Variants in LMF1 observed in about 807,000 individuals in gnomAD.
LMF1 encodes lipase maturation factor 1.
A neutral mutation model predicts 60.6 loss-of-function variants in LMF1; 68 were observed. The ratio of observed to expected loss-of-function variants is 1.12; its 90% CI spans 0.92 to 1.37. LMF1 has a LOEUF of 1.37. LMF1 is among the 40% of genes most tolerant of loss of function. LMF1 has a pLI of 0.00. For missense variants in LMF1, 948 were observed against 767.2 expected (o/e 1.24, Z -2.78); for synonymous variants, 418 against 324.7 (o/e 1.29, Z -3.09).
At chr16:913,442 G>A (rs999038131) in intron 3 of LMF1, among the ~76,000 whole-genome samples, 8 of 152,276 alleles carry the variant, frequency 5.3e-5, no homozygotes, top group African/African-American at 1.9e-4. Context: ...CCGCTGGACA[G>A]GGTGCGACAC....
chr16:854,436 C>G lies in LMF1; in HGVS notation c.*96G>C. On this transcript the variant is annotated 3_prime_UTR_variant, in exon 11 of 11. Transcript: ENST00000262301. ...TCCCACCGCTCTCCTCTCCACGTCT[C>G]TCTTGGCGATGCCCAGCTTGGGCTG... 1 of 1,277,024 alleles carries G rather than the reference C, an allele frequency of 7.8e-7. No individual in the cohort carries two copies. The highest frequency in any genetic ancestry group is 1.1e-6 in the Non-Finnish European group (1 of 914,888). The allele number at this position is 1,277,024 out of a possible 1,614,324, so 79.1% of individuals were successfully genotyped here.
chr16:958,547 C>T (rs1312962347), intron 1 of LMF1, among the ~76,000 whole-genome samples: 5 of 152,178 alleles, frequency 3.3e-5, no homozygotes, highest in Non-Finnish European at 5.9e-5. Context: ...AAAACCACAG[C>T]GTGCTGTCAC....
chr16:936,021 A>G (rs545697248), intron 2 of LMF1, among the ~76,000 whole-genome samples: 133 of 152,344 alleles, frequency 8.7e-4, no homozygotes, highest in African/African-American at 3.0e-3. Context: ...GGTCCACACT[A>G]TTTATAGGTA....
chr16:955,052 T>C (rs865995487), intron 1 of LMF1, among the ~76,000 whole-genome samples: 52 of 139,284 alleles, frequency 3.7e-4, no homozygotes, highest in Admixed American at 4.3e-4. Flanking sequence ...CACATCTAAG[T>C]AAACTAGACA....
At chr16:922,095 C>A (rs749590555) in intron 3 of LMF1, among the ~76,000 whole-genome samples, 7 of 152,060 alleles carry the variant, frequency 4.6e-5, no homozygotes, top group Non-Finnish European at 7.4e-5. Flanking sequence ...GCATTCCAAG[C>A]AGCCAACACG....
At position 911,011 on chromosome 16, in the gene LMF1, T is replaced by G. The variant is rs2071097105; in HGVS notation, c.583A>C (p.Arg195=). The change falls in exon 4 of 11, where the codon AGG becomes CGG. Residue 195 remains arginine (R), a synonymous_variant. Coordinates refer to ENST00000262301, the MANE Select transcript of LMF1 (RefSeq NM_022773.4). ...IFLCPLWTLS[R]LPQHTPTSRI... The stretch of plus-strand genomic sequence containing the variant: ...GATGTGGGGGTATGCTGGGGCAGCC[T>G]TGACAGCGTCCACAGAGGGCACAGG... 2 of 1,612,936 alleles carry G rather than the reference T, an allele frequency of 1.2e-6. No homozygotes were observed. Among genetic ancestry groups the G allele is most frequent in the African/African-American group, 2.7e-5 (2 of 74,924 alleles).
chr16:945,042 C>T (rs2072202317), intron 2 of LMF1, among the ~76,000 whole-genome samples: 1 of 151,490 alleles, frequency 6.6e-6, no homozygotes, highest in African/African-American at 2.4e-5. Context: ...GAAACCCCAT[C>T]TCTACTAAAA....
At position 874,935 on chromosome 16, in the gene LMF1, G is replaced by A. The variant is rs1486607024; in HGVS notation, c.898-3594C>T. Among the ~76,000 whole-genome samples, 1 of 152,156 alleles carries A rather than the reference G, an allele frequency of 6.6e-6. No individual in the cohort carries two copies. Among genetic ancestry groups the A allele is most frequent in the East Asian group, 1.9e-4 (1 of 5,192 alleles). ...ACCCTCTGCCCTGTACGCCTGTGGG[G>A]GCAAAAGCCCTAGTTCAAGACCCCA... On this transcript the variant is annotated intron_variant, in intron 6 of 10. Coordinates refer to ENST00000262301, the MANE Select transcript of LMF1 (RefSeq NM_022773.4). This position sits in a 1 kb window ranked among gnomAD's most constrained non-coding sequence, Gnocchi z 4.1.
rs1226747530 is a variant in LMF1 at position 854,274 on chromosome 16, G to GA, written c.*257dup. The stretch of plus-strand genomic sequence containing the variant: ...GGCTGGGCCTCTGGGAGGAGGGTGG[G>GA]ATGGATGGGAGATCAGAGCCCCTGG... On this transcript the variant is annotated 3_prime_UTR_variant, in exon 11 of 11. Transcript: ENST00000262301. 1 of 667,520 alleles carries GA rather than the reference G, an allele frequency of 1.5e-6. No individual in the cohort carries two copies. Among genetic ancestry groups the GA allele is most frequent in the Non-Finnish European group, 2.7e-6 (1 of 363,952 alleles). The allele number at this position is 667,520 out of a possible 1,614,324, so 41.3% of individuals were successfully genotyped here.
chr16:939,516 G>T (rs2151793462), intron 2 of LMF1, among the ~76,000 whole-genome samples: 1 of 152,382 alleles, frequency 6.6e-6, no homozygotes, highest in South Asian at 2.1e-4. Context: ...GTGCCGCCGA[G>T]CAGCGGAGGT....
intron 2 of LMF1, among the ~76,000 whole-genome samples, chr16:944,351 G>T (rs1038487491): frequency 1.3e-5 from 2 of 152,188 alleles, no homozygotes; most frequent in Non-Finnish European, 2.9e-5. Context: ...GGACTTAGTG[G>T]AATCCATGTA....
intron 1 of LMF1, chr16:976,267 G>A (rs567585142): frequency 4.5e-6 from 2 of 447,982 alleles, no homozygotes; most frequent in East Asian, 7.0e-5. Context: ...TGGGGTCCCT[G>A]GATCTAGGGG....
At chr16:917,178 G>C (rs117388512) in intron 3 of LMF1, among the ~76,000 whole-genome samples, 1,842 of 152,324 alleles carry the variant, frequency 0.012, 22 homozygotes, top group South Asian at 0.096. Context: ...GTACCATGGG[G>C]GACGGGTCAC....
At chr16:865,349 T>C (rs2069583655) in intron 10 of LMF1, among the ~76,000 whole-genome samples, 1 of 152,194 alleles carries the variant, frequency 6.6e-6, no homozygotes, top group Non-Finnish European at 1.5e-5. Context: ...TATTTACCCA[T>C]GTCTTTTCTT....
At chr16:953,959 A>C (rs79722037) in intron 2 of LMF1, among the ~76,000 whole-genome samples, 344 of 6,216 alleles carry the variant, frequency 0.055, 36 homozygotes, top group African/African-American at 0.16. Context: ...ACCCACCCCA[A>C]ACCAGCCTCC....
intron 3 of LMF1, among the ~76,000 whole-genome samples, chr16:922,251 C>T (rs1334803860): frequency 6.6e-6 from 1 of 152,206 alleles, no homozygotes; most frequent in African/African-American, 2.4e-5. Context: ...CTGGTCCCTG[C>T]ACAATCTCGC....
intron 5 of LMF1, among the ~76,000 whole-genome samples, chr16:882,452 G>C (rs1197660802): frequency 6.6e-6 from 1 of 152,254 alleles, no homozygotes; most frequent in Admixed American, 6.5e-5. Flanking sequence ...CTGTGAGGAA[G>C]CCAATGGTGG....
chr16:972,358 G>C (rs80012858), upstream of LMF1, among the ~76,000 whole-genome samples: 468 of 152,346 alleles, frequency 3.1e-3, 19 homozygotes, highest in East Asian at 0.082. Flanking sequence ...CCCAGCCTCC[G>C]GGAGCGTGGT....
chr16:878,885 G>C lies in LMF1; in HGVS notation c.897+685C>G, dbSNP rs2070076748. Among the ~76,000 whole-genome samples the C allele has an allele frequency of 1.3e-5, 2 of 152,358 alleles. No homozygotes were observed. The highest frequency in any genetic ancestry group is 4.1e-4 in the South Asian group (2 of 4,824). On this transcript the variant is annotated intron_variant, in intron 6 of 10. Transcript: ENST00000262301. This position sits in a 1 kb window ranked among gnomAD's most constrained non-coding sequence, Gnocchi z 5.2. The stretch of plus-strand genomic sequence containing the variant: ...CCTCCATTGAAACAATCGAGAGAGA[G>C]AACCACCTTTAAAATCCCCACCACA...
Sources: gnomAD v4.1 joint callset for allele counts (sites outside exome capture counted in the v4.1 genomes callset) on GRCh38, gnomAD v4.1.1 for gene constraint, Gnocchi (gnomAD v3.1) non-coding constraint, MANE v1.5 for transcripts, NCBI Gene and HGNC (gene_info 2026-07-23, HGNC 2026-07-21) for gene names.